The following INTS7 variants were observed in gnomAD, a reference collection of about 807,000 sequenced individuals.
INTS7 encodes the protein chromosome 1 open reading frame 73.
In INTS7, 46 loss-of-function variants were observed where a neutral mutation model predicts 109.2. The ratio of observed to expected loss-of-function variants is 0.42; its 90% confidence interval spans 0.33 to 0.54. INTS7 has a LOEUF of 0.54. Among genes scored for constraint, INTS7 ranks in the 20% least tolerant of loss-of-function variants. The pLI is 0.07. For missense variants in INTS7, 929 were observed against 1,132.4 expected (o/e 0.82, Z 2.58); for synonymous variants, 412 against 402.9 (o/e 1.02, Z -0.27).
intron 19 of INTS7, among the ~76,000 whole-genome samples, chr1:211,943,038 G>A (rs1036690545): frequency 3.3e-5 from 5 of 152,054 alleles, no homozygotes; most frequent in African/African-American, 7.2e-5. Flanking sequence ...ATGAACTGAC[G>A]TCACCAACCA....
chr1:212,028,773 T>C (rs1667035376), intron 1 of INTS7, among the ~76,000 whole-genome samples: 1 of 152,228 alleles, frequency 6.6e-6, no homozygotes. Flanking sequence ...TTAAGCACTT[T>C]GCATGTATTA....
At chr1:212,024,853 C>G (rs1312276222) in intron 1 of INTS7, among the ~76,000 whole-genome samples, 1 of 152,188 alleles carries the variant, frequency 6.6e-6, no homozygotes, top group Non-Finnish European at 1.5e-5. Context: ...CATTGAAAAT[C>G]TTGTTGTCAT....
rs561502338 is a variant in INTS7, at chr1:212,033,866, T to C, written c.94+1478A>G. ...GGAAGGCCGAGGCGGACGGATCACC[T>C]GAGGTCAGGAGTTGGAGACCAGCCT... On this transcript the variant is annotated intron_variant, in intron 1 of 19. Transcript: ENST00000366994. Among the ~76,000 whole-genome samples, 6 of 152,256 alleles carry C rather than the reference T, an allele frequency of 3.9e-5. No individual in the cohort carries two copies. In the South Asian group the frequency reaches 1.2e-3, roughly 32 times the overall value.
chr1:211,975,685 TTA>T lies in INTS7; in HGVS notation c.1609-315_1609-314del, dbSNP rs373879379. Among the ~76,000 whole-genome samples, 55 of 152,352 alleles carry T rather than the reference TTA, an allele frequency of 3.6e-4. 2 individuals are homozygous for T. The South Asian group carries it at 0.011, about 30-fold the overall frequency. On this transcript the variant is annotated intron_variant, in intron 12 of 19. Coordinates refer to ENST00000366994, the MANE Select transcript of INTS7 (RefSeq NM_015434.4). ...AAATACAGGAAGTATAAATACTTTT[TTA>T]TGTTATTCTAGATGAACTATTTAGT... is the stretch of plus-strand genomic sequence containing the variant.
At chr1:212,014,789 C>A (rs955237354) in intron 4 of INTS7, among the ~76,000 whole-genome samples, 2 of 152,170 alleles carry the variant, frequency 1.3e-5, no homozygotes, top group Non-Finnish European at 2.9e-5. Context: ...GAGTGATCTG[C>A]CCGCCTGGGC....
intron 8 of INTS7, among the ~76,000 whole-genome samples, chr1:211,984,143 G>C (rs1022550518): frequency 5.9e-5 from 9 of 152,006 alleles, no homozygotes; most frequent in African/African-American, 2.2e-4. Context: ...AAGCCACCAT[G>C]CCTGGCCCCT....
At chr1:212,031,113 G>A (rs1394485500) in intron 1 of INTS7, among the ~76,000 whole-genome samples, 2 of 151,812 alleles carry the variant, frequency 1.3e-5, no homozygotes, top group African/African-American at 4.8e-5. Flanking sequence ...CATTGCATCA[G>A]CTGCAAGAAA....
rs1253790373 is a variant in INTS7, at chr1:212,032,050, CTGATT to C, written c.94+3289_94+3293del. Among the ~76,000 whole-genome samples the C allele has an allele frequency of 3.3e-5, 5 of 152,312 alleles. No homozygotes were observed. In the East Asian group the frequency reaches 9.6e-4, roughly 29 times the overall value. Reference sequence around the variant, plus strand: ...CATCTCAAATTTAACATGACCCAAACTGATTTGATTTCAGTAAACAATACATACAT... The same window carrying C: ...CATCTCAAATTTAACATGACCCAAACTGATTTCAGTAAACAATACATACAT... On this transcript the variant is annotated intron_variant, in intron 1 of 19. Coordinates refer to ENST00000366994, the MANE Select transcript of INTS7 (RefSeq NM_015434.4).
chr1:212,015,150 C>T (rs116093977), intron 4 of INTS7, among the ~76,000 whole-genome samples: 1 of 151,990 alleles, frequency 6.6e-6, no homozygotes, highest in Non-Finnish European at 1.5e-5. Context: ...AGCCCCTGCC[C>T]GGGAAGTGTG....
rs769638949 is a variant in INTS7, at chr1:211,952,686, T to A, written c.2199A>T (p.Gly733=). Residue 733 remains glycine (G), a synonymous_variant, in exon 17 of 20, where the codon GGA becomes GGT. Coordinates refer to ENST00000366994, the MANE Select transcript of INTS7 (RefSeq NM_015434.4). The stretch of plus-strand genomic sequence containing the variant: ...TATCAGCATGGGCTGTTCCAGTAGA[T>A]CCATATTCCTGGAAACTGAAGTAAA... ...DPESASFQEY[G]STGTAHADSE... is the part of the protein sequence containing the mutation. The A allele has an allele frequency of 7.4e-6, 12 of 1,612,114 alleles. No individual in the cohort carries two copies. Among genetic ancestry groups the A allele is most frequent in the African/African-American group, 4.0e-5 (3 of 74,884 alleles).
chr1:212,010,164 T>G (rs1384236998), intron 5 of INTS7, among the ~76,000 whole-genome samples: 1 of 152,218 alleles, frequency 6.6e-6, no homozygotes. Flanking sequence ...TGGTATTACC[T>G]ATCCAAGGCT....
At chr1:212,030,224 G>T (rs1476434798) in intron 1 of INTS7, among the ~76,000 whole-genome samples, 1 of 151,908 alleles carries the variant, frequency 6.6e-6, no homozygotes, top group African/African-American at 2.4e-5. Flanking sequence ...TACCAACCAG[G>T]CTGCTGGTTT....
At chr1:212,035,095 T>C (rs1667368846) in intron 1 of INTS7, among the ~76,000 whole-genome samples, 2 of 152,224 alleles carry the variant, frequency 1.3e-5, no homozygotes, top group Admixed American at 6.5e-5. Context: ...CTCCCTCAAG[T>C]GGTCAAAACG....
chr1:211,940,753 A>G lies in INTS7; in HGVS notation c.*1071T>C, dbSNP rs1305539539. The G allele has an allele frequency of 6.6e-6, 1 of 152,246 alleles. No homozygotes were observed. Among genetic ancestry groups the G allele is most frequent in the Admixed American group, 6.5e-5 (1 of 15,290 alleles). 9.4% of individuals were successfully genotyped at this position (152,246 alleles called of 1,614,324 possible). On this transcript the variant is annotated 3_prime_UTR_variant, in exon 20 of 20. Transcript: ENST00000366994. ...GCTCTCTCTAAACAATCAGTCTAGCATAACTCATCAAGTATAAACCAAACC... is the reference window on the plus strand; with the variant it reads ...GCTCTCTCTAAACAATCAGTCTAGCGTAACTCATCAAGTATAAACCAAACC...
chr1:211,978,413 G>A lies in INTS7; in HGVS notation c.1329C>T (p.Asp443=), dbSNP rs755658007. Residue 443 remains aspartate (D), a synonymous_variant, in exon 11 of 20, where the codon GAC becomes GAT. Transcript: ENST00000366994. ...TLLTQLHSAQ[D]AARILMCHCL... ...AATGGCACATCAAAATCCGGGCAGC[G>A]TCTTGAGCACTGTGCAATTGAGTCA... The A allele has an allele frequency of 3.7e-6, 6 of 1,614,190 alleles. No individual in the cohort carries two copies. The highest frequency in any genetic ancestry group is 1.7e-5 in the Admixed American group (1 of 60,006).
In INTS7 at chr1:212,016,905, T is replaced by C. The variant is rs748574162; in HGVS notation, c.490A>G (p.Asn164Asp). 2.5e-6 allele frequency: 4 copies of C among 1,607,306 alleles called. No homozygotes were observed. The highest frequency in any genetic ancestry group is 1.1e-5 in the South Asian group (1 of 89,418). Residue 164 changes from asparagine to aspartate, a missense_variant, in exon 4 of 20, where the codon AAC becomes GAC. Physicochemically the swap from Asn to Asp is conservative, Grantham distance 23. This residue lies in a region of INTS7 where 142 missense variants were observed against 231.4 expected (regional missense o/e 0.61). Transcript: ENST00000366994. ...EVEAAVFAAA[N>D]FSAQSKDFAV... ...GCTTACTTTGACTGTGCAGAGAAGTTTGCAGCAGCAAAAACAGCAGCTTCA... is the reference window on the plus strand; with the variant it reads ...GCTTACTTTGACTGTGCAGAGAAGTCTGCAGCAGCAAAAACAGCAGCTTCA...
intron 4 of INTS7, among the ~76,000 whole-genome samples, chr1:212,014,316 T>G (rs1353020510): frequency 1.3e-5 from 2 of 151,604 alleles, no homozygotes; most frequent in Non-Finnish European, 2.9e-5. Context: ...AATACAAAAA[T>G]TAGCTGGGCA....
chr1:212,014,843 T>A (rs1666338381), intron 4 of INTS7, among the ~76,000 whole-genome samples: 1 of 152,214 alleles, frequency 6.6e-6, no homozygotes. Context: ...GCTCACTCAG[T>A]GCTCAATCTT....
At chr1:211,972,102 T>G (rs894277437) in intron 13 of INTS7, among the ~76,000 whole-genome samples, 9 of 152,130 alleles carry the variant, frequency 5.9e-5, no homozygotes, top group African/African-American at 2.2e-4. Context: ...TGTCTTGCTA[T>G]GTGACCCAGG....
Sources: allele counts gnomAD v4.1 joint callset (sites outside exome capture counted in the v4.1 genomes callset), GRCh38; gene constraint gnomAD v4.1.1; regional missense constraint gnomAD v4.1.1; transcripts MANE v1.5; gene names NCBI Gene and HGNC (gene_info 2026-07-23, HGNC 2026-07-21).